Variants in ALPK2 observed in about 807,000 individuals in gnomAD.
ALPK2 encodes the protein alpha kinase 2, also known as alpha-protein kinase 2.
A neutral mutation model predicts 163.1 loss-of-function variants in ALPK2; 127 were observed. The observed-to-expected ratio is 0.78, with a 90% CI of 0.67 to 0.90. ALPK2 has a LOEUF of 0.90. Ranked by LOEUF, ALPK2 falls within the 40% of genes least tolerant of loss-of-function variation. The probability of loss-of-function intolerance (pLI) is 0.00; values close to 1 mark genes in which losing one functional copy is unlikely to be tolerated. For missense variants in ALPK2, 2,360 were observed against 2,589.6 expected, an observed-to-expected ratio of 0.91 and a Z score of 1.92; for synonymous variants, 953 against 959.1, an observed-to-expected ratio of 0.99 and a Z score of 0.12.
At chr18:58,501,756 A>G (rs1185896726) in intron 11 of ALPK2, among the ~76,000 whole-genome samples, 3 of 152,202 alleles carry the variant, frequency 2.0e-5, no homozygotes, top group Non-Finnish European at 4.4e-5. Flanking sequence ...AATGGGGATC[A>G]TAATATCTAT....
intron 4 of ALPK2, among the ~76,000 whole-genome samples, chr18:58,575,400 G>A (rs1003320817): frequency 3.3e-5 from 5 of 152,112 alleles, no homozygotes; most frequent in African/African-American, 4.8e-5. Context: ...GCTCAATTCT[G>A]TGCTTAGTGC....
At chr18:58,604,090 G>A (rs923602066) in intron 3 of ALPK2, among the ~76,000 whole-genome samples, 46 of 152,136 alleles carry the variant, frequency 3.0e-4, no homozygotes, top group African/African-American at 1.1e-3. Flanking sequence ...TTCATAAATC[G>A]CAGGGCTCTT....
chr18:58,586,357 A>G (rs1401251001), intron 3 of ALPK2, among the ~76,000 whole-genome samples: 2 of 152,216 alleles, frequency 1.3e-5, no homozygotes, highest in Admixed American at 1.3e-4. Flanking sequence ...ACCTCTGTAA[A>G]TGCAACAAGA....
At chr18:58,553,183 T>C (rs1358427598) in intron 4 of ALPK2, among the ~76,000 whole-genome samples, 2 of 152,214 alleles carry the variant, frequency 1.3e-5, no homozygotes, top group Non-Finnish European at 2.9e-5. Context: ...AACTGTCTGC[T>C]GATTTCAGAC....
At chr18:58,485,482 G>A (rs2144093847) in intron 12 of ALPK2, among the ~76,000 whole-genome samples, 1 of 152,302 alleles carries the variant, frequency 6.6e-6, no homozygotes, top group East Asian at 1.9e-4. Context: ...CCTCCTCCTG[G>A]CTGGGGGACT....
chr18:58,524,553 G>T (rs146008801), intron 6 of ALPK2, among the ~76,000 whole-genome samples: 1 of 152,132 alleles, frequency 6.6e-6, no homozygotes, highest in Non-Finnish European at 1.5e-5. Flanking sequence ...ACCAACCATC[G>T]AACCATTCAC....
At position 58,579,861 on chromosome 18, in the gene ALPK2, G is replaced by C; in HGVS notation, c.915C>G (p.Asp305Glu). Reference sequence around the variant, plus strand: ...TCTCTGGGCAAAGTTCATAGTCACTGTCAGAGTCTTCACTGGAAAGCTGTG... The same window carrying C: ...TCTCTGGGCAAAGTTCATAGTCACTCTCAGAGTCTTCACTGGAAAGCTGTG... ...PSPQLSSEDS[D>E]SDYELCPEIT... The change falls in exon 4 of 13, where the codon GAC becomes GAG. Residue 305 changes from aspartate (D) to glutamate (E), a missense_variant. Physicochemically the swap from Asp to Glu is conservative, Grantham distance 45 (BLOSUM62 2). Coordinates refer to ENST00000361673, the MANE Select transcript of ALPK2 (RefSeq NM_052947.4). 6.2e-7 allele frequency: 1 copy of C among 1,614,214 alleles called. No homozygotes were observed. The highest frequency in any genetic ancestry group is 1.3e-5 in the African/African-American group (1 of 75,058).
chr18:58,586,566 C>A (rs2144205783), intron 3 of ALPK2, among the ~76,000 whole-genome samples: 1 of 152,214 alleles, frequency 6.6e-6, no homozygotes, highest in African/African-American at 2.4e-5. Flanking sequence ...CAGTGAAAAC[C>A]AGTAGCCTGG....
At chr18:58,595,793 C>G (rs963238479) in intron 3 of ALPK2, among the ~76,000 whole-genome samples, 1 of 152,160 alleles carries the variant, frequency 6.6e-6, no homozygotes, top group Non-Finnish European at 1.5e-5. Context: ...AAAATGCACA[C>G]GAATCACTTG....
chr18:58,505,408 A>G (rs1432124577), intron 10 of ALPK2, among the ~76,000 whole-genome samples: 1 of 151,966 alleles, frequency 6.6e-6, no homozygotes, highest in East Asian at 1.9e-4. Flanking sequence ...AAGCACATCC[A>G]TACTCTCACC....
At chr18:58,589,506 G>A (rs2052004542) in intron 3 of ALPK2, among the ~76,000 whole-genome samples, 1 of 152,148 alleles carries the variant, frequency 6.6e-6, no homozygotes, top group South Asian at 2.1e-4. Flanking sequence ...ATGAAGACAC[G>A]AGTTTGGGGA....
chr18:58,572,681 G>A (rs986524493), intron 4 of ALPK2, among the ~76,000 whole-genome samples: 1 of 152,178 alleles, frequency 6.6e-6, no homozygotes, highest in African/African-American at 2.4e-5. Flanking sequence ...AGAATTGGAG[G>A]ACAAAGTAGT....
chr18:58,607,301 C>T (rs769654796), intron 3 of ALPK2, 21 bp downstream of exon 3: 14 of 1,538,414 alleles, frequency 9.1e-6, no homozygotes, highest in Non-Finnish European at 1.3e-5. Flanking sequence ...GTAAACAGTC[C>T]ACAGGGGTAT....
intron 3 of ALPK2, among the ~76,000 whole-genome samples, chr18:58,583,052 C>T (rs2051967223): frequency 6.6e-6 from 1 of 152,172 alleles, no homozygotes; most frequent in East Asian, 1.9e-4. Flanking sequence ...GGGAAAAGAC[C>T]TGGAAAGGGA....
chr18:58,535,227 C>G lies in ALPK2; in HGVS notation c.4960G>C (p.Ala1654Pro), dbSNP rs559014227. ...AACTCACGTTCTCCTGAAATAAATGCCAAGGTCTTCGCTGAGGAGCTAGAT... is the reference window on the plus strand; with the variant it reads ...AACTCACGTTCTCCTGAAATAAATGGCAAGGTCTTCGCTGAGGAGCTAGAT... ...SSSSSSAKTL[A>P]FISGERELEK... is the part of the protein sequence containing the mutation. The change falls in exon 5 of 13, where the codon GCA becomes CCA. Residue 1654 changes from alanine to proline, a missense_variant. Physicochemically the swap from Ala to Pro is conservative, Grantham distance 27. Transcript: ENST00000361673. 2 of 1,614,072 alleles carry G rather than the reference C, an allele frequency of 1.2e-6. No homozygotes were observed. The highest frequency in any genetic ancestry group is 2.7e-5 in the African/African-American group (2 of 75,014).
intron 3 of ALPK2, chr18:58,580,813 A>G: frequency 4.4e-6 from 2 of 458,834 alleles, no homozygotes; most frequent in East Asian, 3.8e-5. Flanking sequence ...GGATTGCACC[A>G]TGACAGTTTA....
At chr18:58,543,442 T>C in intron 4 of ALPK2, 1 of 983,246 alleles carries the variant, frequency 1.0e-6, no homozygotes, top group Non-Finnish European at 1.2e-6. Flanking sequence ...GCAGGAGGCT[T>C]TAAGAGCTGG....
At chr18:58,524,500 G>A (rs2051573804) in intron 6 of ALPK2, among the ~76,000 whole-genome samples, 2 of 152,204 alleles carry the variant, frequency 1.3e-5, no homozygotes, top group Non-Finnish European at 2.9e-5. Context: ...ATTCGTGACT[G>A]AGGGCCCCTT....
intron 11 of ALPK2, among the ~76,000 whole-genome samples, chr18:58,503,359 C>T (rs1429211451): frequency 6.6e-6 from 1 of 152,144 alleles, no homozygotes; most frequent in Admixed American, 6.5e-5. Context: ...TCTCTGGTTA[C>T]CTGTTGTAAT....
Sources: gnomAD v4.1 joint callset for allele counts (sites outside exome capture counted in the v4.1 genomes callset) on GRCh38, gnomAD v4.1.1 for gene constraint, MANE v1.5 for transcripts, NCBI Gene and HGNC (gene_info 2026-07-23, HGNC 2026-07-21) for gene names.